Variants in RXFP1 observed in about 807,000 individuals in gnomAD.
The protein encoded by RXFP1 is relaxin family peptide receptor 1.
In RXFP1, 73 loss-of-function variants were observed where a neutral mutation model predicts 89.8. The observed-to-expected ratio is 0.81, with a 90% CI of 0.67 to 0.99. RXFP1 has a LOEUF of 0.99. RXFP1 is among the 50% of genes least tolerant of loss of function. RXFP1 has a pLI of 0.00. For synonymous variants in RXFP1, 277 were observed against 305.5 expected (o/e 0.91, Z 0.97); for missense variants, 793 against 895.5 (o/e 0.89, Z 1.46).
intron 1 of RXFP1, among the ~76,000 whole-genome samples, chr4:158,554,535 C>T (rs548080012): frequency 6.6e-6 from 1 of 152,108 alleles, no homozygotes; most frequent in South Asian, 2.1e-4. Context: ...ATGCCTTGAA[C>T]AACTTATTAT....
intron 2 of RXFP1, among the ~76,000 whole-genome samples, chr4:158,592,678 G>A (rs1303559596): frequency 6.6e-6 from 1 of 152,148 alleles, no homozygotes; most frequent in Admixed American, 6.6e-5. Flanking sequence ...GAAGATGTAG[G>A]GAAACATAAT....
chr4:158,622,109 G>A (rs1210627813), intron 9 of RXFP1, among the ~76,000 whole-genome samples: 5 of 152,138 alleles, frequency 3.3e-5, no homozygotes, highest in African/African-American at 9.7e-5. Flanking sequence ...TCAGGAGTTC[G>A]AGGCCAGCCT....
At chr4:158,627,395 C>A (rs1158075410) in intron 10 of RXFP1, among the ~76,000 whole-genome samples, 1 of 151,978 alleles carries the variant, frequency 6.6e-6, no homozygotes, top group East Asian at 1.9e-4. Flanking sequence ...TAATATATAG[C>A]ACAATTTATT....
intron 12 of RXFP1, among the ~76,000 whole-genome samples, chr4:158,634,471 G>C (rs540523425): frequency 2.0e-5 from 3 of 152,078 alleles, no homozygotes; most frequent in Admixed American, 6.5e-5. Flanking sequence ...CCATTGTATG[G>C]GCTGCCTTTT....
chr4:158,602,680 T>G (rs560614981), intron 4 of RXFP1, among the ~76,000 whole-genome samples: 40 of 152,288 alleles, frequency 2.6e-4, no homozygotes, highest in African/African-American at 9.1e-4. Flanking sequence ...AGTATAAACT[T>G]CTTAAAGGCA....
rs202161189 is a variant in RXFP1 at position 158,645,116 on chromosome 4, C to A, written c.1323C>A (p.Ala441=). 5.8e-4 allele frequency: 929 copies of A among 1,612,774 alleles called. 6 individuals are homozygous for A. The African/African-American group carries it at 0.011, about 20-fold the overall frequency. The part of the protein sequence containing the change: ...PYIRSENKLY[A]MSIISLCCAD... ...TCAGGTCTGAGAACAAGCTGTATGC[C>A]ATGTCAATCATTTCTCTCTGCTGTG... is the stretch of plus-strand genomic sequence containing the variant. Residue 441 remains alanine, a synonymous_variant, in exon 15 of 18, where the codon GCC becomes GCA. Coordinates refer to ENST00000307765, the MANE Select transcript of RXFP1 (RefSeq NM_021634.4).
At chr4:158,541,261 A>T (rs1445093052) in intron 1 of RXFP1, among the ~76,000 whole-genome samples, 1 of 152,050 alleles carries the variant, frequency 6.6e-6, no homozygotes, top group East Asian at 1.9e-4. Context: ...ATAAATACAC[A>T]GGAGAAGTGG....
intron 1 of RXFP1, among the ~76,000 whole-genome samples, chr4:158,545,004 A>G (rs1747882599): frequency 6.6e-6 from 1 of 151,652 alleles, no homozygotes; most frequent in Non-Finnish European, 1.5e-5. Context: ...CTAGTTCTAG[A>G]TCCCTGAGGA....
At chr4:158,598,466 G>A (rs1761051069) in intron 3 of RXFP1, among the ~76,000 whole-genome samples, 1 of 152,136 alleles carries the variant, frequency 6.6e-6, no homozygotes, top group Non-Finnish European at 1.5e-5. Flanking sequence ...TCAATATGGG[G>A]AGAAAACGTT....
intron 8 of RXFP1, among the ~76,000 whole-genome samples, chr4:158,615,844 C>G (rs1764457875): frequency 6.6e-6 from 1 of 151,926 alleles, no homozygotes; most frequent in African/African-American, 2.4e-5. Flanking sequence ...CCCAGCTACT[C>G]AGGGGGCTGA....
Position 158,536,665 on chromosome 4 carries a change from C to A in RXFP1, c.49+14640C>A, listed in dbSNP as rs141175727. On this transcript the variant is annotated intron_variant, in intron 1 of 17. Transcript: ENST00000307765. ...TGTATACAGTATGAGCAAATCATTG[C>A]TAATGCCTTCTAACATGACTAGAAA... Among the ~76,000 whole-genome samples the A allele has an allele frequency of 1.1e-3, 165 of 152,192 alleles. 1 individual carries two copies. Among genetic ancestry groups the A allele is most frequent in the South Asian group, 4.8e-3 (23 of 4,830 alleles).
rs1744093234 is a variant in RXFP1 at position 158,531,728 on chromosome 4, T to G, written c.49+9703T>G. On this transcript the variant is annotated intron_variant, in intron 1 of 17. Coordinates refer to ENST00000307765, the MANE Select transcript of RXFP1 (RefSeq NM_021634.4). ...CAGGTACGATATATAGTGTAAACAT[T>G]TTCATGTTTACAGACCAGAAACCTC... Among the ~76,000 whole-genome samples the G allele has an allele frequency of 2.0e-5, 3 of 152,220 alleles. No individual in the cohort carries two copies. In the South Asian group the frequency reaches 6.2e-4, roughly 31 times the overall value.
chr4:158,624,853 GA>G (rs1378029695), intron 9 of RXFP1, among the ~76,000 whole-genome samples: 3 of 152,166 alleles, frequency 2.0e-5, no homozygotes, highest in Non-Finnish European at 2.9e-5. Flanking sequence ...CAGGAGGGGG[GA>G]AAAACAGTAA....
chr4:158,620,360 A>G (rs1765390583), intron 9 of RXFP1, among the ~76,000 whole-genome samples: 1 of 152,160 alleles, frequency 6.6e-6, no homozygotes, highest in Admixed American at 6.5e-5. Context: ...GGAGTCACAG[A>G]AAAAGAATAG....
intron 1 of RXFP1, among the ~76,000 whole-genome samples, chr4:158,562,176 G>T (rs1224659940): frequency 6.6e-6 from 1 of 151,766 alleles, no homozygotes; most frequent in Non-Finnish European, 1.5e-5. Flanking sequence ...CAATAAACAC[G>T]GGTTATTCTC....
chr4:158,554,801 T>C (rs2149906563), intron 1 of RXFP1, among the ~76,000 whole-genome samples: 1 of 152,242 alleles, frequency 6.6e-6, no homozygotes, highest in East Asian at 1.9e-4. Context: ...TAGAGTATAA[T>C]TAAACTCTTA....
At chr4:158,538,584 C>T (rs902038576) in intron 1 of RXFP1, among the ~76,000 whole-genome samples, 5 of 152,102 alleles carry the variant, frequency 3.3e-5, no homozygotes, top group African/African-American at 1.2e-4. Context: ...GAAGCCAAGG[C>T]GGGCAGATCA....
chr4:158,525,488 A>T (rs984638300), intron 1 of RXFP1, among the ~76,000 whole-genome samples: 1 of 152,238 alleles, frequency 6.6e-6, no homozygotes, highest in African/African-American at 2.4e-5. Context: ...ACATAAAGGG[A>T]AATTATTATG....
chr4:158,647,349 C>A, intron 16 of RXFP1, 148 bp downstream of exon 16: 1 of 636,156 alleles, frequency 1.6e-6, no homozygotes, highest in Non-Finnish European at 2.6e-6. Context: ...TCCAACCTGA[C>A]ACAGCTTAAT....
Sources: gnomAD v4.1 joint callset for allele counts (sites outside exome capture counted in the v4.1 genomes callset) on GRCh38, gnomAD v4.1.1 for gene constraint, MANE v1.5 for transcripts, NCBI Gene and HGNC (gene_info 2026-07-23, HGNC 2026-07-21) for gene names.